LIPI: variants seen among roughly 807,000 people sequenced by gnomAD.
LIPI encodes lipase member I.
Under a neutral mutation model 50.6 loss-of-function variants are expected in LIPI, and 59 were observed. The ratio of observed to expected loss-of-function variants is 1.16; its 90% CI spans 0.94 to 1.45. The LOEUF (loss-of-function observed/expected upper bound fraction) is 1.45, where lower values mean the gene tolerates loss of function less well. Among genes scored for constraint, LIPI ranks in the 40% most tolerant of loss-of-function variants. LIPI has a pLI of 0.00. For missense variants in LIPI, 586 were observed against 536.3 expected, an observed-to-expected ratio of 1.09 and a Z score of -0.92; for synonymous variants, 203 against 178.2, an observed-to-expected ratio of 1.14 and a Z score of -1.11.
intron 8 of LIPI, among the ~76,000 whole-genome samples, chr21:14,152,065 AAC>A (rs2018110097): frequency 6.7e-6 from 1 of 148,182 alleles, no homozygotes; most frequent in African/African-American, 2.5e-5. Flanking sequence ...TTTACTCTTT[AAC>A]TTATTTTATT....
chr21:14,126,770 C>A (rs986882244), intron 9 of LIPI, among the ~76,000 whole-genome samples: 1 of 152,140 alleles, frequency 6.6e-6, no homozygotes, highest in African/African-American at 2.4e-5. Context: ...TGAAACCAAT[C>A]TGCCACAGAT....
At chr21:14,161,588 C>CTATATAATATATTAATATATAATATACA (rs2018471152) in intron 7 of LIPI, among the ~76,000 whole-genome samples, 1 of 108,574 alleles carries the variant, frequency 9.2e-6, no homozygotes, top group Non-Finnish European at 1.7e-5. Context: ...TAATATATAT[C>CTATATAATATATTAATATATAATATACA]TATATAATAT....
chr21:14,163,413 A>T lies in LIPI; in HGVS notation c.1006+6T>A, dbSNP rs189893165. The T allele has an allele frequency of 2.8e-4, 364 of 1,277,214 alleles. No individual in the cohort carries two copies. The African/African-American group carries it at 5.1e-3, about 18-fold the overall frequency. 79.1% of individuals were successfully genotyped at this position (1,277,214 alleles called of 1,614,324 possible). A position where few individuals can be genotyped will look rare whatever the true frequency, so the allele number is the denominator to read the frequency against. On this transcript the variant is annotated splice_donor_region_variant and intron_variant, in intron 7 of 9. Coordinates refer to ENST00000681601, the MANE Select transcript of LIPI (RefSeq NM_001302998.2). ...TGTTTATTTGTTAAAATTGTTAATA[A>T]CTTACTACAGAATGGATATGTACCA...
At chr21:14,181,419 C>T (rs2019265025) in intron 4 of LIPI, among the ~76,000 whole-genome samples, 1 of 152,054 alleles carries the variant, frequency 6.6e-6, no homozygotes, top group Non-Finnish European at 1.5e-5. Flanking sequence ...AACCTAAATA[C>T]ATCAGGAACA....
chr21:14,125,798 G>T (rs188028334), intron 9 of LIPI, among the ~76,000 whole-genome samples: 1 of 152,112 alleles, frequency 6.6e-6, no homozygotes, highest in East Asian at 1.9e-4. Context: ...CTCGTGATCC[G>T]CCCGCCTCCG....
chr21:14,134,293 A>G (rs1267434115), intron 9 of LIPI, among the ~76,000 whole-genome samples: 3 of 152,166 alleles, frequency 2.0e-5, no homozygotes. Flanking sequence ...GAGAAATCAT[A>G]GATGACACAA....
intron 7 of LIPI, among the ~76,000 whole-genome samples, chr21:14,154,652 A>T (rs538060088): frequency 6.6e-6 from 1 of 152,216 alleles, no homozygotes; most frequent in South Asian, 2.1e-4. Flanking sequence ...TCTCTGAGGC[A>T]ACTTGTAGCT....
At chr21:14,167,939 C>T (rs1379673267) in intron 4 of LIPI, among the ~76,000 whole-genome samples, 1 of 152,092 alleles carries the variant, frequency 6.6e-6, no homozygotes, top group African/African-American at 2.4e-5. Context: ...GACATTCAAA[C>T]CAAACGCAAA....
intron 4 of LIPI, among the ~76,000 whole-genome samples, chr21:14,177,095 A>T (rs953559686): frequency 6.6e-6 from 1 of 152,072 alleles, no homozygotes; most frequent in Non-Finnish European, 1.5e-5. Flanking sequence ...CTTTTTTTGC[A>T]ATGTGTTATT....
intron 6 of LIPI, among the ~76,000 whole-genome samples, chr21:14,164,286 G>T (rs920484386): frequency 2.6e-5 from 4 of 151,932 alleles, no homozygotes. Flanking sequence ...TTCACTCTGG[G>T]TTACAATTTC....
At chr21:14,156,935 C>T (rs148834268) in intron 7 of LIPI, among the ~76,000 whole-genome samples, 2 of 151,882 alleles carry the variant, frequency 1.3e-5, no homozygotes, top group East Asian at 3.9e-4. Flanking sequence ...TCATTGAGGA[C>T]TCAAACGGAA....
chr21:14,145,697 C>G (rs1037860672), intron 8 of LIPI, among the ~76,000 whole-genome samples: 6 of 151,790 alleles, frequency 4.0e-5, no homozygotes, highest in African/African-American at 9.7e-5. Context: ...AAGAAGAGGA[C>G]AGAAGTGAAG....
chr21:14,109,085 GAA>G lies in LIPI; in HGVS notation c.1296-7_1296-6del. 6.3e-7 allele frequency: 1 copy of G among 1,588,138 alleles called. No homozygotes were observed. Among genetic ancestry groups the G allele is most frequent in the Non-Finnish European group, 8.6e-7 (1 of 1,157,412 alleles). On this transcript the variant is annotated splice_polypyrimidine_tract_variant and splice_region_variant and intron_variant, in intron 9 of 9. Transcript: ENST00000681601. ...TTATACCTGCAAAGTGGTGGTCTGA[GAA>G]AGAGAAAAATGGAGAGAACAAAAAA...
chr21:14,114,095 T>A (rs571960423), intron 9 of LIPI, among the ~76,000 whole-genome samples: 1 of 151,886 alleles, frequency 6.6e-6, no homozygotes, highest in East Asian at 1.9e-4. Flanking sequence ...GGAGAATCAC[T>A]TCAACCCGGG....
At chr21:14,190,888 A>G (rs2019646975) in intron 1 of LIPI, among the ~76,000 whole-genome samples, 1 of 152,204 alleles carries the variant, frequency 6.6e-6, no homozygotes, top group South Asian at 2.1e-4. Flanking sequence ...GGTCCACTCC[A>G]AGCTAAAGTC....
intron 3 of LIPI, among the ~76,000 whole-genome samples, chr21:14,183,663 A>G (rs2019351975): frequency 1.3e-5 from 2 of 152,206 alleles, no homozygotes. Context: ...AAAGTGGGTG[A>G]AGGATATGAG....
At chr21:14,206,934 C>G (rs1264395564) in intron 1 of LIPI, 1 of 1,534,366 alleles carries the variant, frequency 6.5e-7, no homozygotes, top group Non-Finnish European at 9.0e-7. Flanking sequence ...AAATAAGACC[C>G]TATCAGAAGT....
In LIPI at chr21:14,152,658, C is replaced by A. The variant is rs2018139686; in HGVS notation, c.1033G>T (p.Val345Phe). ...CCATCCATCATAGTTTTATCTGGAA[C>A]AATTATACTGAGAACAAAATAATAG... ...CTYYFVLSIIVPDKTMMDGSF... is the reference protein window; with the variant it reads ...CTYYFVLSIIFPDKTMMDGSF... Residue 345 changes from valine to phenylalanine, a missense_variant, in exon 8 of 10, where the codon GTT becomes TTT. Val to Phe is a conservative substitution (Grantham distance 50). Transcript: ENST00000681601. 5.3e-6 allele frequency: 8 copies of A among 1,521,088 alleles called. No individual in the cohort carries two copies. The highest frequency in any genetic ancestry group is 7.3e-6 in the Non-Finnish European group (8 of 1,097,748). 94.2% of individuals were successfully genotyped at this position (1,521,088 alleles called of 1,614,324 possible).
Position 14,116,840 on chromosome 21 carries a change from G to A in LIPI, c.1296-7760C>T, listed in dbSNP as rs938451797. ...GAACAATAGAAAAGACCCACAAAGT[G>A]CAGGCCCAGGAGAAAGAGTAGCAAG... is the stretch of plus-strand genomic sequence containing the variant. On this transcript the variant is annotated intron_variant, in intron 9 of 9. Transcript: ENST00000681601. Among the ~76,000 whole-genome samples the A allele has an allele frequency of 7.9e-5, 12 of 152,264 alleles. No homozygotes were observed. The South Asian group carries it at 2.3e-3, about 29-fold the overall frequency.
Sources: allele counts gnomAD v4.1 joint callset (sites outside exome capture counted in the v4.1 genomes callset), GRCh38; gene constraint gnomAD v4.1.1; transcripts MANE v1.5; gene names NCBI Gene and HGNC (gene_info 2026-07-23, HGNC 2026-07-21).